The following SORT1 variants were observed in gnomAD, a reference collection of about 807,000 sequenced individuals.
The protein encoded by SORT1 is sortilin.
SORT1 carries 39 observed loss-of-function variants against 101.7 expected under a neutral mutation model. The observed-to-expected ratio is 0.38, with a 90% CI of 0.30 to 0.50. The LOEUF (loss-of-function observed/expected upper bound fraction) is 0.50, where lower values mean the gene tolerates loss of function less well. Ranked by LOEUF, SORT1 falls within the 20% of genes least tolerant of loss-of-function variation. The pLI, the probability that SORT1 is intolerant of heterozygous loss-of-function variation, is 0.90. For synonymous variants in SORT1, 396 were observed against 393.7 expected (o/e 1.01, Z -0.07); for missense variants, 878 against 1,040.4 (o/e 0.84, Z 2.15).
At chr1:109,394,727 C>T (rs2100937395) in intron 1 of SORT1, among the ~76,000 whole-genome samples, 1 of 152,236 alleles carries the variant, frequency 6.6e-6, no homozygotes, top group East Asian at 1.9e-4. Context: ...CAGATCTAGG[C>T]ATTTGGAGGG....
chr1:109,358,843 A>C (rs1432264584), intron 3 of SORT1, among the ~76,000 whole-genome samples: 1 of 149,024 alleles, frequency 6.7e-6, no homozygotes, highest in Non-Finnish European at 1.5e-5. Context: ...ACAGAGTGAG[A>C]CTCCGTCTTA....
chr1:109,326,434 T>C (rs1449269552), intron 13 of SORT1, among the ~76,000 whole-genome samples: 8 of 15,724 alleles, frequency 5.1e-4, no homozygotes, highest in African/African-American at 1.2e-3. Context: ...AAAGAATATA[T>C]ATATATATAT....
In SORT1 at chr1:109,327,477, T is replaced by C. The variant is rs774830865; in HGVS notation, c.1474+22A>G. The C allele has an allele frequency of 5.6e-6, 8 of 1,436,140 alleles. No individual in the cohort carries two copies. In the South Asian group the frequency reaches 8.4e-5, roughly 15 times the overall value. The allele number at this position is 1,436,140 out of a possible 1,614,324, so 89.0% of individuals were successfully genotyped here. ...GCTCAGCCACTGTTCCAGTTGGAGG[T>C]GGTGAGTGGGAGGTTCCTTACCATG... On this transcript the variant is annotated intron_variant, in intron 12 of 19. Transcript: ENST00000256637.
intron 5 of SORT1, among the ~76,000 whole-genome samples, chr1:109,351,615 C>A (rs1314594812): frequency 6.6e-6 from 1 of 152,182 alleles, no homozygotes; most frequent in Non-Finnish European, 1.5e-5. Context: ...GAGGAACTAA[C>A]GCTAGGCAGA....
chr1:109,356,297 C>T (rs1650320520), intron 3 of SORT1, among the ~76,000 whole-genome samples: 1 of 152,162 alleles, frequency 6.6e-6, no homozygotes, highest in African/African-American at 2.4e-5. Context: ...AAAGAATTAC[C>T]TGGCCCCAAT....
Position 109,310,124 on chromosome 1 carries a change from A to G in SORT1, c.*3919T>C, listed in dbSNP as rs1437527625. ...TACATTAAGGATCTGGGGCATAGCA[A>G]TAAATCATTACCATGTACACTATAC... On this transcript the variant is annotated 3_prime_UTR_variant, in exon 20 of 20. Transcript: ENST00000256637. The G allele has an allele frequency of 6.6e-6, 1 of 152,636 alleles. No individual in the cohort carries two copies. Among genetic ancestry groups the G allele is most frequent in the East Asian group, 1.9e-4 (1 of 5,200 alleles). The allele number at this position is 152,636 out of a possible 1,614,324, so 9.5% of individuals were successfully genotyped here.
At chr1:109,367,519 T>C in intron 2 of SORT1, 38 bp from the exon 3 acceptor site, 1 of 1,300,580 alleles carries the variant, frequency 7.7e-7, no homozygotes, top group Non-Finnish European at 1.1e-6. Context: ...ATAAAAAAGA[T>C]ATTCCAATCA....
chr1:109,386,657 A>C (rs1403586870), intron 1 of SORT1, among the ~76,000 whole-genome samples: 1 of 152,178 alleles, frequency 6.6e-6, no homozygotes, highest in Non-Finnish European at 1.5e-5. Flanking sequence ...ATCCCAGACC[A>C]GCCTAGGCAG....
chr1:109,338,956 C>G (rs1649025122), intron 10 of SORT1, among the ~76,000 whole-genome samples: 1 of 152,030 alleles, frequency 6.6e-6, no homozygotes, highest in Non-Finnish European at 1.5e-5. Flanking sequence ...TGGCTCACTG[C>G]AAGCTCAGCC....
At chr1:109,359,228 AG>A (rs1650551067) in intron 3 of SORT1, among the ~76,000 whole-genome samples, 1 of 152,122 alleles carries the variant, frequency 6.6e-6, no homozygotes, top group South Asian at 2.1e-4. Flanking sequence ...AGAAGGGGCA[AG>A]GGAGCTCTCG....
chr1:109,395,772 C>CT (rs1345473982), intron 1 of SORT1, among the ~76,000 whole-genome samples: 2 of 152,100 alleles, frequency 1.3e-5, no homozygotes, highest in African/African-American at 2.4e-5. Context: ...CAGGAAGACT[C>CT]TGACTCAAGG....
In SORT1 at chr1:109,355,473, A is replaced by C. The variant is rs989043338; in HGVS notation, c.441-4T>G. ...AAAGTTCTTCCCATAATCCTCACTG[A>C]GAGGAAGAAAAAAAGGGCAAATTTA... On this transcript the variant is annotated splice_polypyrimidine_tract_variant and splice_region_variant and intron_variant, in intron 3 of 19. Transcript: ENST00000256637. The C allele has an allele frequency of 1.4e-6, 2 of 1,476,490 alleles. No individual in the cohort carries two copies. The highest frequency in any genetic ancestry group is 2.8e-5 in the African/African-American group (2 of 72,158). 91.5% of individuals were successfully genotyped at this position (1,476,490 alleles called of 1,614,324 possible). A position where few individuals can be genotyped will look rare whatever the true frequency, so the allele number is the denominator to read the frequency against.
At chr1:109,367,146 G>C in intron 3 of SORT1, 1 of 293,320 alleles carries the variant, frequency 3.4e-6, no homozygotes, top group South Asian at 8.7e-5. Flanking sequence ...AGGATGGCTT[G>C]AGCCTGGGAG....
chr1:109,335,418 A>C (rs555903176), intron 11 of SORT1, among the ~76,000 whole-genome samples: 1 of 152,312 alleles, frequency 6.6e-6, no homozygotes, highest in East Asian at 1.9e-4. Flanking sequence ...GGTAGATGCA[A>C]CAGTGCTTGC....
At chr1:109,362,512 T>C (rs1283149291) in intron 3 of SORT1, among the ~76,000 whole-genome samples, 1 of 152,198 alleles carries the variant, frequency 6.6e-6, no homozygotes, top group Non-Finnish European at 1.5e-5. Context: ...TATTTCAGTG[T>C]CTTTTTCCCC....
chr1:109,372,602 A>AAAAAC (rs112711805), intron 1 of SORT1, among the ~76,000 whole-genome samples: 320 of 152,226 alleles, frequency 2.1e-3, no homozygotes, highest in African/African-American at 6.9e-3. Flanking sequence ...ACAGCTAATA[A>AAAAAC]AAAACAAAAC....
chr1:109,343,749 G>T (rs11102974), intron 8 of SORT1, among the ~76,000 whole-genome samples: 1 of 152,016 alleles, frequency 6.6e-6, no homozygotes, highest in Non-Finnish European at 1.5e-5. Flanking sequence ...CCACAGTCCA[G>T]TTGATTCTTG....
At chr1:109,361,364 C>T (rs1000474409) in intron 3 of SORT1, among the ~76,000 whole-genome samples, 2 of 152,186 alleles carry the variant, frequency 1.3e-5, no homozygotes, top group Non-Finnish European at 2.9e-5. Flanking sequence ...CAACAAGTTC[C>T]TCATTTCTGC....
At chr1:109,322,117 T>G (rs899467004) in intron 15 of SORT1, among the ~76,000 whole-genome samples, 1 of 151,904 alleles carries the variant, frequency 6.6e-6, no homozygotes, top group African/African-American at 2.4e-5. Flanking sequence ...TTTTTTTTTT[T>G]GTTTGAGACA....
Sources: allele counts gnomAD v4.1 joint callset (sites outside exome capture counted in the v4.1 genomes callset), GRCh38; gene constraint gnomAD v4.1.1; transcripts MANE v1.5; gene names NCBI Gene and HGNC (gene_info 2026-07-23, HGNC 2026-07-21).